ENKD1: variants seen among roughly 807,000 people sequenced by gnomAD.
ENKD1 encodes the protein enkurin domain containing 1.
A neutral mutation model predicts 35.8 loss-of-function variants in ENKD1; 39 were observed. That is an observed-to-expected ratio of 1.09 (90% confidence interval 0.84 to 1.42). The LOEUF is 1.42. Among genes scored for constraint, ENKD1 ranks in the 40% most tolerant of loss-of-function variants. The pLI is 0.00. For synonymous variants in ENKD1, 205 were observed against 198.6 expected (o/e 1.03, Z -0.27); for missense variants, 474 against 471.3 (o/e 1.01, Z -0.05).
In ENKD1 at chr16:67,666,216, G is replaced by T; in HGVS notation, c.135C>A (p.Ser45=). Residue 45 remains serine, a synonymous_variant, in exon 2 of 7, where the codon TCC becomes TCA. Coordinates refer to ENST00000243878, the MANE Select transcript of ENKD1 (RefSeq NM_032140.3). ...GAGCGGTGGTGTCCAGGGCCCGGTC[G>T]GAAGTCAGCAAGTCCAGCTTCAGCG... ...GNALKLDLLT[S]DRALDTTAPR... is the part of the protein sequence containing the mutation. 9 of 1,609,092 alleles carry T rather than the reference G, an allele frequency of 5.6e-6. No individual in the cohort carries two copies. The highest frequency in any genetic ancestry group is 7.6e-6 in the Non-Finnish European group (9 of 1,177,542).
intron 4 of ENKD1, 23 bp downstream of exon 4, chr16:67,663,914 C>A: frequency 6.2e-7 from 1 of 1,606,768 alleles, no homozygotes; most frequent in Non-Finnish European, 8.5e-7. Flanking sequence ...CAACCACCAT[C>A]TAGCCCCCAT....
intron 4 of ENKD1, 51 bp downstream of exon 4, chr16:67,663,886 C>CG (rs1567646767): frequency 6.2e-7 from 1 of 1,603,958 alleles, no homozygotes; most frequent in African/African-American, 1.3e-5. Context: ...ACACCCCCCC[C>CG]ACACCAGGAG....
At chr16:67,664,394 C>G (rs1038442574) in intron 3 of ENKD1, 1 of 418,546 alleles carries the variant, frequency 2.4e-6, no homozygotes, top group Non-Finnish European at 4.5e-6. Flanking sequence ...TCCTTGGTCT[C>G]GTTGTCCTCA....
chr16:67,663,858 A>T, intron 4 of ENKD1, 38 bp from the exon 5 acceptor site: 1 of 1,602,074 alleles, frequency 6.2e-7, no homozygotes, highest in Non-Finnish European at 8.5e-7. Context: ...GGCAGACAGC[A>T]TTATGTTGTG....
Position 67,663,660 on chromosome 16 carries a change from T to G in ENKD1, c.740A>C (p.His247Pro), listed in dbSNP as rs780054404. 1 of 1,610,706 alleles carries G rather than the reference T, an allele frequency of 6.2e-7. No individual in the cohort carries two copies. The highest frequency in any genetic ancestry group is 8.5e-7 in the Non-Finnish European group (1 of 1,177,852). ...YNATQKGHVPHYLLERRDLWR... is the reference protein window; with the variant it reads ...YNATQKGHVPPYLLERRDLWR... The stretch of plus-strand genomic sequence containing the variant: ...AGTGTCGGGCAGTGAGACCTACTAA[T>G]GTGGCACATGGCCCTTCTGCGTGGC... The change falls in exon 5 of 7, where the codon CAT becomes CCT. Residue 247 changes from histidine (H) to proline (P), a missense_variant. Physicochemically the swap from His to Pro is moderately conservative, Grantham distance 77. Transcript: ENST00000243878.
Position 67,666,731 on chromosome 16 carries a change from G to A in ENKD1, c.-289C>T. 2.1e-6 allele frequency: 1 copy of A among 481,046 alleles called. No individual in the cohort carries two copies. The allele number at this position is 481,046 out of a possible 1,614,324, so 29.8% of individuals were successfully genotyped here. A position where few individuals can be genotyped will look rare whatever the true frequency, so the allele number is the denominator to read the frequency against. ...TTGCCGCCAGCCGCTGCCACCCGACGGGACTTGTTGTTGCCGGGCAACCGT... is the reference window on the plus strand; with the variant it reads ...TTGCCGCCAGCCGCTGCCACCCGACAGGACTTGTTGTTGCCGGGCAACCGT... On this transcript the variant is annotated 5_prime_UTR_variant, in exon 1 of 7. Coordinates refer to ENST00000243878, the MANE Select transcript of ENKD1 (RefSeq NM_032140.3).
chr16:67,664,991 G>A lies in ENKD1; in HGVS notation c.453+5C>T, dbSNP rs770058480. 6.3e-7 allele frequency: 1 copy of A among 1,594,834 alleles called. No homozygotes were observed. Among genetic ancestry groups the A allele is most frequent in the South Asian group, 1.1e-5 (1 of 89,406 alleles). ...ATAATACTTCTGGCTCCCTGAAGCA[G>A]GTACCTGGAGCTGGGCCTTGACCCG... is the stretch of plus-strand genomic sequence containing the variant. On this transcript the variant is annotated splice_donor_5th_base_variant and intron_variant, in intron 3 of 6. Transcript: ENST00000243878.
intron 3 of ENKD1, chr16:67,664,313 A>C: frequency 1.7e-6 from 1 of 577,454 alleles, no homozygotes. Flanking sequence ...CTTCCTAGCC[A>C]AGCTTCCTGG....
rs2053098187 is a variant in ENKD1, at chr16:67,666,115, A to G, written c.236T>C (p.Leu79Ser). 6.2e-7 allele frequency: 1 copy of G among 1,612,804 alleles called. No homozygotes were observed. Among genetic ancestry groups the G allele is most frequent in the East Asian group, 2.2e-5 (1 of 44,882 alleles). Residue 79 changes from leucine (L) to serine (S), a missense_variant, in exon 2 of 7, where the codon TTG becomes TCG. Leu to Ser is a moderately radical substitution (Grantham distance 145, BLOSUM62 -2). Transcript: ENST00000243878. The part of the protein sequence containing the change: ...RGQRGVGDVL[L>S]QLEGISLGPG... ...ACCTAGGGAGATCCCCTCGAGTTGC[A>G]ACAGCACGTCCCCGACGCCGCGCTG...
rs377237252 is a variant in ENKD1, at chr16:67,665,129, C to T, written c.320G>A (p.Arg107Gln). 119 of 1,613,860 alleles carry T rather than the reference C, an allele frequency of 7.4e-5. No homozygotes were observed. The highest frequency in any genetic ancestry group is 6.7e-4 in the African/African-American group (50 of 75,036). ...PKDHEKENLR[R>Q]IREIQKRFRE... ...GAAGCGCTTCTGAATCTCCCTGATC[C>T]GCCTCAGGTTCTCCTTCTCATGGTC... Residue 107 changes from arginine (R) to glutamine (Q), a missense_variant, in exon 3 of 7, where the codon CGG (arginine) becomes CAG (glutamine). Arg to Gln is a conservative substitution (Grantham distance 43). Transcript: ENST00000243878.
At position 67,666,527 on chromosome 16, in the gene ENKD1, C is replaced by T; in HGVS notation, c.-85G>A. Reference sequence around the variant, plus strand: ...CCGGGCCCCCTTCCCCAACCCCGGGCCCCCTCCCTCGCCCGGCACCCTGAC... The same window carrying T: ...CCGGGCCCCCTTCCCCAACCCCGGGTCCCCTCCCTCGCCCGGCACCCTGAC... On this transcript the variant is annotated 5_prime_UTR_variant, in exon 1 of 7. Transcript: ENST00000243878. 8.0e-7 allele frequency: 1 copy of T among 1,247,248 alleles called. No homozygotes were observed. Among genetic ancestry groups the T allele is most frequent in the Non-Finnish European group, 1.0e-6 (1 of 952,808 alleles). The allele number at this position is 1,247,248 out of a possible 1,614,324, so 77.3% of individuals were successfully genotyped here.
At position 67,663,215 on chromosome 16, in the gene ENKD1, C is replaced by T. The variant is rs1309331289; in HGVS notation, c.987G>A (p.Glu329=). Residue 329 remains glutamate (E), a synonymous_variant, in exon 7 of 7, where the codon GAG becomes GAA. Transcript: ENST00000243878. ...GCCGAGAAAAGATCTTGATGGCCTC[C>T]TCTACCTGCACCAGCTTCCGGTCCA... is the stretch of plus-strand genomic sequence containing the variant. ...AELDRKLVQV[E]EAIKIFSRPK... 6.2e-7 allele frequency: 1 copy of T among 1,614,064 alleles called. No individual in the cohort carries two copies. Among genetic ancestry groups the T allele is most frequent in the Admixed American group, 1.7e-5 (1 of 60,034 alleles).
In ENKD1 at chr16:67,666,510, C is replaced by G; in HGVS notation, c.-68G>C. On this transcript the variant is annotated 5_prime_UTR_variant, in exon 1 of 7. Coordinates refer to ENST00000243878, the MANE Select transcript of ENKD1 (RefSeq NM_032140.3). ...GCTGTTTACCTCCCTCCCCGGGCCC[C>G]CTTCCCCAACCCCGGGCCCCCTCCC... is the stretch of plus-strand genomic sequence containing the variant. 4 of 1,333,340 alleles carry G rather than the reference C, an allele frequency of 3.0e-6. No individual in the cohort carries two copies. Among genetic ancestry groups the G allele is most frequent in the Non-Finnish European group, 3.9e-6 (4 of 1,028,016 alleles). 82.6% of individuals were successfully genotyped at this position (1,333,340 alleles called of 1,614,324 possible).
Position 67,665,860 on chromosome 16 carries a change from C to T in ENKD1, c.280+211G>A, listed in dbSNP as rs915963581. On this transcript the variant is annotated intron_variant, in intron 2 of 6. Transcript: ENST00000243878. ...AAACAAATTTAATGGGTAACAAATGCATAAAGCAGAGCTAGGGCTTCGTGG... is the reference window on the plus strand; with the variant it reads ...AAACAAATTTAATGGGTAACAAATGTATAAAGCAGAGCTAGGGCTTCGTGG... Among the ~76,000 whole-genome samples the T allele has an allele frequency of 1.1e-4, 16 of 152,230 alleles. 1 individual carries two copies. The highest frequency in any genetic ancestry group is 3.1e-4 in the African/African-American group (13 of 41,454).
Position 67,663,110 on chromosome 16 carries a change from C to T in ENKD1, c.*51G>A, listed in dbSNP as rs1176075954. 1.5e-5 allele frequency: 24 copies of T among 1,605,506 alleles called. No homozygotes were observed. The highest frequency in any genetic ancestry group is 1.7e-5 in the Non-Finnish European group (20 of 1,175,542). ...TGGGTCCAACCCTGTCCTTTGCAGC[C>T]ATGTGGCGATCCTCAGCATGGAGCT... On this transcript the variant is annotated 3_prime_UTR_variant, in exon 7 of 7. Transcript: ENST00000243878.
At chr16:67,664,142 C>T (rs967086253) in intron 3 of ENKD1, 80 bp from the exon 4 acceptor site, 23 of 1,331,318 alleles carry the variant, frequency 1.7e-5, no homozygotes, top group Non-Finnish European at 2.2e-5. Flanking sequence ...CATCTTGGCC[C>T]TTCTGACCTT....
Position 67,663,662 on chromosome 16 carries a change from TG to T in ENKD1, c.737del (p.Pro246HisfsTer43), listed in dbSNP as rs779460377. The T allele has an allele frequency of 6.2e-7, 1 of 1,610,894 alleles. No individual in the cohort carries two copies. The highest frequency in any genetic ancestry group is 1.1e-5 in the South Asian group (1 of 90,822). Reference sequence around the variant, plus strand: ...TGTCGGGCAGTGAGACCTACTAATGTGGCACATGGCCCTTCTGCGTGGCATT... The same window carrying T: ...TGTCGGGCAGTGAGACCTACTAATGTGCACATGGCCCTTCTGCGTGGCATT... ...HYNATQKGHV[P>X]HYLLERRDLW... On this transcript the variant is annotated frameshift_variant, in exon 5 of 7. Coordinates refer to ENST00000243878, the MANE Select transcript of ENKD1 (RefSeq NM_032140.3). LOFTEE classifies it high-confidence loss of function.
chr16:67,666,020 C>A (rs2053096311), intron 2 of ENKD1, 51 bp downstream of exon 2: 2 of 1,573,296 alleles, frequency 1.3e-6, no homozygotes, highest in Non-Finnish European at 1.7e-6. Flanking sequence ...CTTTTGATCT[C>A]TTTCCACCCC....
In ENKD1 at chr16:67,665,022, C is replaced by T. The variant is rs903207475; in HGVS notation, c.427G>A (p.Glu143Lys). 5 of 1,609,604 alleles carry T rather than the reference C, an allele frequency of 3.1e-6. No homozygotes were observed. In the Admixed American group the frequency reaches 6.8e-5, roughly 22 times the overall value. The change falls in exon 3 of 7, where the codon GAG becomes AAG. Residue 143 changes from glutamate to lysine, a missense_variant. Transcript: ENST00000243878. ...TGGAGCTGGGCCTTGACCCGGGACT[C>T]CACCTTGTCGTACTTGGGTGAGCGC... ...LWRSPKYDKV[E>K]SRVKAQLQEP...
Sources: gnomAD v4.1 joint callset for allele counts (sites outside exome capture counted in the v4.1 genomes callset) on GRCh38, gnomAD v4.1.1 for gene constraint, MANE v1.5 for transcripts, NCBI Gene and HGNC (gene_info 2026-07-23, HGNC 2026-07-21) for gene names.